COL2A1: variants seen among roughly 807,000 people sequenced by gnomAD.
COL2A1 encodes the protein collagen type II alpha 1 chain, also known as collagen alpha-1(II) chain.
In COL2A1, 28 loss-of-function variants were observed where a neutral mutation model predicts 204.5. The observed-to-expected ratio is 0.14, with a 90% confidence interval of 0.10 to 0.19. The LOEUF (loss-of-function observed/expected upper bound fraction) is 0.19. COL2A1 is among the 10% of genes least tolerant of loss of function. COL2A1 has a pLI of 1.00. For missense variants in COL2A1, 1,388 were observed against 2,027.5 expected, an observed-to-expected ratio of 0.68 and a Z score of 6.06; for synonymous variants, 708 against 718.7, an observed-to-expected ratio of 0.99 and a Z score of 0.24.
Position 47,987,420 on chromosome 12 carries a change from G to A in COL2A1, c.1222-107C>T, listed in dbSNP as rs896330850. The A allele has an allele frequency of 6.4e-6, 8 of 1,241,310 alleles. No homozygotes were observed. The African/African-American group carries it at 1.2e-4, about 18-fold the overall frequency. 76.9% of individuals were successfully genotyped at this position (1,241,310 alleles called of 1,614,324 possible). On this transcript the variant is annotated intron_variant, in intron 19 of 53. Transcript: ENST00000380518. The surrounding 1 kb of genome is among the most constrained non-coding windows in gnomAD (Gnocchi z 4.1). ...CCTGGCATAGGTGCTGTCCATTTCA[G>A]GGACATTCCCACTATGTGTTTCAAG... is the stretch of plus-strand genomic sequence containing the variant.
rs1940016577 is a variant in COL2A1 at position 47,997,516 on chromosome 12, C to T, written c.531+90G>A. 1.2e-5 allele frequency: 20 copies of T among 1,610,874 alleles called. No homozygotes were observed. In the South Asian group the frequency reaches 1.8e-4, roughly 14 times the overall value. On this transcript the variant is annotated intron_variant, in intron 7 of 53. Coordinates refer to ENST00000380518, the MANE Select transcript of COL2A1 (RefSeq NM_001844.5). ...GGCTATGTACACACTGCTGGCAGCC[C>T]TGGGAGCCAGCCAGGTAAGTGCAAG...
In COL2A1 at chr12:47,974,076, C is replaced by A. The variant is rs1938569997; in HGVS notation, c.4317+13G>T. 9 of 1,614,058 alleles carry A rather than the reference C, an allele frequency of 5.6e-6. No individual in the cohort carries two copies. Among genetic ancestry groups the A allele is most frequent in the African/African-American group, 1.3e-5 (1 of 74,932 alleles). ...GGGCACAGGCAGCTCTTCTCTCTGGCAGCCCCACTCACCGTGCAGCCATCC... is the reference window on the plus strand; with the variant it reads ...GGGCACAGGCAGCTCTTCTCTCTGGAAGCCCCACTCACCGTGCAGCCATCC... On this transcript the variant is annotated intron_variant, in intron 53 of 53. Transcript: ENST00000380518.
At chr12:47,981,240 G>T (rs1202521753) in intron 37 of COL2A1, 103 bp downstream of exon 37, 5 of 1,313,100 alleles carry the variant, frequency 3.8e-6, no homozygotes, top group East Asian at 2.4e-5. Flanking sequence ...GTGCCTGGCA[G>T]CACACAGGGC....
chr12:47,993,061 C>T (rs1386107063), intron 15 of COL2A1, 130 bp from the exon 16 acceptor site: 1 of 849,926 alleles, frequency 1.2e-6, no homozygotes, highest in Non-Finnish European at 2.0e-6. Flanking sequence ...AAACAAGGAC[C>T]TCCTGATGGT....
chr12:47,979,610 G>T, intron 40 of COL2A1, 46 bp from the exon 41 acceptor site: 2 of 1,150,838 alleles, frequency 1.7e-6, no homozygotes, highest in Non-Finnish European at 2.5e-6. Context: ...GCCCTCAGGA[G>T]GTTTGAGATT....
At position 47,997,685 on chromosome 12, in the gene COL2A1, C is replaced by G; in HGVS notation, c.452G>C (p.Arg151Thr). 1 of 1,614,082 alleles carries G rather than the reference C, an allele frequency of 6.2e-7. No homozygotes were observed. Among genetic ancestry groups the G allele is most frequent in the Non-Finnish European group, 8.5e-7 (1 of 1,180,004 alleles). Residue 151 changes from arginine (R) to threonine (T), a missense_variant, in exon 7 of 54, where the codon AGA becomes ACA. Transcript: ENST00000380518. The stretch of plus-strand genomic sequence containing the variant: ...TCCAGGGGTCCCAGGTTCTCCATCT[C>G]TGCCACGAGGTCCAGGGGCACCCTT... ...GEKGAPGPRG[R>T]DGEPGTPGNP...
Position 47,982,149 on chromosome 12 carries a change from A to T in COL2A1, c.2313T>A (p.Gly771=). 1 of 1,613,746 alleles carries T rather than the reference A, an allele frequency of 6.2e-7. No homozygotes were observed. Among genetic ancestry groups the T allele is most frequent in the Non-Finnish European group, 8.5e-7 (1 of 1,179,794 alleles). Reference sequence around the variant, plus strand: ...CAGGGGCTCCCTCAGGGCCTTTCTCACCAACGTCACCCTGAGGGAAGAGAA... The same window carrying T: ...CAGGGGCTCCCTCAGGGCCTTTCTCTCCAACGTCACCCTGAGGGAAGAGAA... ...AGPKGDRGDV[G]EKGPEGAPGK... Residue 771 remains glycine (G), a synonymous_variant, in exon 35 of 54, where the codon GGT becomes GGA. Transcript: ENST00000380518.
Position 47,987,615 on chromosome 12 carries a change from G to A in COL2A1, c.1217C>T (p.Ala406Val), listed in dbSNP as rs1165416342. ...CCAAAGAGAAGCTGCACTTACGGAGGCACCAGCAGGCCCAGGGGACCCAGG... is the reference window on the plus strand; with the variant it reads ...CCAAAGAGAAGCTGCACTTACGGAGACACCAGCAGGCCCAGGGGACCCAGG... ...GTPGSPGPAG[A>V]SGNPGTDGIP... Residue 406 changes from alanine to valine, a missense_variant, in exon 19 of 54, where the codon GCC becomes GTC. Coordinates refer to ENST00000380518, the MANE Select transcript of COL2A1 (RefSeq NM_001844.5). This position sits in a 1 kb window ranked among gnomAD's most constrained non-coding sequence, Gnocchi z 4.1. 3.1e-6 allele frequency: 5 copies of A among 1,611,728 alleles called. No homozygotes were observed. Among genetic ancestry groups the A allele is most frequent in the Non-Finnish European group, 4.2e-6 (5 of 1,178,936 alleles).
rs919872843 is a variant in COL2A1 at position 47,976,217 on chromosome 12, C to G, written c.3490-147G>C. On this transcript the variant is annotated intron_variant, in intron 49 of 53. Transcript: ENST00000380518. This position sits in a 1 kb window ranked among gnomAD's most constrained non-coding sequence, Gnocchi z 4.3. The stretch of plus-strand genomic sequence containing the variant: ...CTCAGTCATGGAACCCTAAGTTGGT[C>G]TCTATTTGGCCAAGAACCAGCAGGA... The G allele has an allele frequency of 1.9e-4, 140 of 740,220 alleles. 1 individual carries two copies. In the East Asian group the frequency reaches 3.7e-3, roughly 19 times the overall value. The allele number at this position is 740,220 out of a possible 1,614,324, so 45.9% of individuals were successfully genotyped here. A position where few individuals can be genotyped will look rare whatever the true frequency, so the allele number is the denominator to read the frequency against.
rs373679402 is a variant in COL2A1, at chr12:47,993,982, C to T, written c.870+12G>A. Reference sequence around the variant, plus strand: ...ATCTCTTCCTTCCAACCTTCTCACCCGTGATACTTACTCTGTGACCTTTGA... The same window carrying T: ...ATCTCTTCCTTCCAACCTTCTCACCTGTGATACTTACTCTGTGACCTTTGA... On this transcript the variant is annotated intron_variant, in intron 13 of 53. Transcript: ENST00000380518. 78 of 1,614,124 alleles carry T rather than the reference C, an allele frequency of 4.8e-5. No homozygotes were observed. Among genetic ancestry groups the T allele is most frequent in the Non-Finnish European group, 5.5e-5 (65 of 1,179,998 alleles).
chr12:47,976,455 G>T lies in COL2A1; in HGVS notation c.3489+59C>A. The T allele has an allele frequency of 1.3e-6, 2 of 1,573,560 alleles. No individual in the cohort carries two copies. Among genetic ancestry groups the T allele is most frequent in the Non-Finnish European group, 1.7e-6 (2 of 1,143,440 alleles). ...AGCAGCAGCATTTCCCTCCCCATGG[G>T]AACACAGGCCCACACTCTCTGAAGG... On this transcript the variant is annotated intron_variant, in intron 49 of 53. Coordinates refer to ENST00000380518, the MANE Select transcript of COL2A1 (RefSeq NM_001844.5). The surrounding 1 kb of genome is among the most constrained non-coding windows in gnomAD (Gnocchi z 4.3).
rs1489072715 is a variant in COL2A1 at position 47,982,160 on chromosome 12, C to T, written c.2302G>A (p.Gly768Ser). 6.2e-7 allele frequency: 1 copy of T among 1,613,836 alleles called. No individual in the cohort carries two copies. ...TCAGGGCCTTTCTCACCAACGTCAC[C>T]CTGAGGGAAGAGAAAACCAGCCGCC... is the stretch of plus-strand genomic sequence containing the variant. Reference protein sequence around the residue: ...AGIAGPKGDRGDVGEKGPEGA... With the variant: ...AGIAGPKGDRSDVGEKGPEGA... Residue 768 changes from glycine (G) to serine (S), a missense_variant and splice_region_variant, in exon 35 of 54, where the codon GGT becomes AGT. By Grantham distance (56) the Gly-to-Ser change is moderately conservative. This residue lies in a region of COL2A1 where 884 missense variants were observed against 1,415.8 expected (regional missense o/e 0.62). Coordinates refer to ENST00000380518, the MANE Select transcript of COL2A1 (RefSeq NM_001844.5).
chr12:47,983,228 C>T, intron 31 of COL2A1, 91 bp from the exon 32 acceptor site: 8 of 1,521,042 alleles, frequency 5.3e-6, no homozygotes, highest in Non-Finnish European at 7.2e-6. Context: ...ATCACTCCTC[C>T]CATGGGGGAT....
At chr12:47,995,638 A>C in intron 10 of COL2A1, 72 bp downstream of exon 10, 3 of 1,361,610 alleles carry the variant, frequency 2.2e-6, no homozygotes, top group Non-Finnish European at 3.2e-6. Context: ...TGGGAGGGAC[A>C]GCAGCTGCGG....
rs775754967 is a variant in COL2A1, at chr12:47,987,079, G to A, written c.1364C>T (p.Thr455Met). 46 of 1,613,772 alleles carry A rather than the reference G, an allele frequency of 2.9e-5. No individual in the cohort carries two copies. The highest frequency in any genetic ancestry group is 1.6e-4 in the Middle Eastern group (1 of 6,080). ...ATGPLGPKGQ[T>M]GEPGIAGFKG... ...TTGGGGGTCACTTTGGGCTCTTACC[G>A]TCTGACCTTTCGGGCCCAGAGGACC... Residue 455 changes from threonine (T) to methionine (M), a missense_variant and splice_region_variant, in exon 21 of 54, where the codon ACG becomes ATG. Transcript: ENST00000380518. The surrounding 1 kb of genome is among the most constrained non-coding windows in gnomAD (Gnocchi z 4.1).
At chr12:47,981,474 G>A (rs1939077652) in intron 36 of COL2A1, 78 bp from the exon 37 acceptor site, 1 of 1,355,892 alleles carries the variant, frequency 7.4e-7, no homozygotes, top group Non-Finnish European at 1.0e-6. Context: ...TGCATTTGGG[G>A]GGCCTTGCTC....
chr12:47,982,747 C>A lies in COL2A1; in HGVS notation c.2193+101G>T, dbSNP rs11168337. 0.47 allele frequency: 608,744 copies of A among 1,301,582 alleles called. 145,516 individuals are homozygous for A. Among genetic ancestry groups the A allele is most frequent in the East Asian group, 0.58 (25,011 of 43,364 alleles). 80.6% of individuals were successfully genotyped at this position (1,301,582 alleles called of 1,614,324 possible). The stretch of plus-strand genomic sequence containing the variant: ...TGTAGACCTCCTTTCCAGCTCCCCC[C>A]ACTTCTGTTCTTCATTCCTCCTGAG... On this transcript the variant is annotated intron_variant, in intron 33 of 53. Transcript: ENST00000380518.
In COL2A1 at chr12:47,987,508, G is replaced by T; in HGVS notation, c.1221+103C>A. 1 of 1,161,464 alleles carries T rather than the reference G, an allele frequency of 8.6e-7. No individual in the cohort carries two copies. Among genetic ancestry groups the T allele is most frequent in the Non-Finnish European group, 1.3e-6 (1 of 792,442 alleles). The allele number at this position is 1,161,464 out of a possible 1,614,324, so 71.9% of individuals were successfully genotyped here. ...GGACAGGCATTGGGCCAGAATGAAG[G>T]TTTGGTGGTTGGAGCCCACAACTGT... is the stretch of plus-strand genomic sequence containing the variant. On this transcript the variant is annotated intron_variant, in intron 19 of 53. Transcript: ENST00000380518. The surrounding 1 kb of genome is among the most constrained non-coding windows in gnomAD (Gnocchi z 4.1).
In COL2A1 at chr12:47,989,273, G is replaced by T; in HGVS notation, c.1077C>A (p.Val359=). The T allele has an allele frequency of 6.2e-7, 1 of 1,612,898 alleles. No individual in the cohort carries two copies. Among genetic ancestry groups the T allele is most frequent in the South Asian group, 1.1e-5 (1 of 90,502 alleles). Residue 359 remains valine, a synonymous_variant, in exon 18 of 54, where the codon GTC becomes GTA. Coordinates refer to ENST00000380518, the MANE Select transcript of COL2A1 (RefSeq NM_001844.5). ...GGAAGCCAGGACCACCAGCAGGACCGACAGGACCCTGGAGAGAGTAGGCGG... is the reference window on the plus strand; with the variant it reads ...GGAAGCCAGGACCACCAGCAGGACCTACAGGACCCTGGAGAGAGTAGGCGG... ...QPGPAGPPGP[V]GPAGGPGFPG...
Sources: allele counts gnomAD v4.1 joint callset, GRCh38; gene constraint gnomAD v4.1.1; regional missense constraint gnomAD v4.1.1; non-coding constraint Gnocchi (gnomAD v3.1); transcripts MANE v1.5; gene names NCBI Gene and HGNC (gene_info 2026-07-23, HGNC 2026-07-21).